The following KCTD8 variants were observed in gnomAD, a reference collection of about 807,000 sequenced individuals.
The protein encoded by KCTD8 is potassium channel tetramerization domain containing 8, also known as BTB/POZ domain-containing protein KCTD8.
In KCTD8, 27 loss-of-function variants were observed where a neutral mutation model predicts 31.5. That is an observed-to-expected ratio of 0.86 (90% CI 0.63 to 1.18). KCTD8 has a LOEUF of 1.18. KCTD8 is among the 50% of genes most tolerant of loss of function. KCTD8 has a pLI of 0.00. For missense variants in KCTD8, 658 were observed against 647.7 expected, an observed-to-expected ratio of 1.02 and a Z score of -0.17; for synonymous variants, 290 against 280.0, an observed-to-expected ratio of 1.04 and a Z score of -0.36.
chr4:44,244,729 A>C (rs1300101275), intron 1 of KCTD8, among the ~76,000 whole-genome samples: 2 of 152,046 alleles, frequency 1.3e-5, no homozygotes, highest in Non-Finnish European at 2.9e-5. Flanking sequence ...AAAAGATGCT[A>C]CACAGAGAGA....
chr4:44,416,121 A>G (rs1210000945), intron 1 of KCTD8, among the ~76,000 whole-genome samples: 3 of 152,200 alleles, frequency 2.0e-5, no homozygotes, highest in African/African-American at 7.2e-5. Context: ...GAGTCAAAGG[A>G]GATTATTTTC....
At chr4:44,216,546 G>T (rs1031573181) in intron 1 of KCTD8, among the ~76,000 whole-genome samples, 1 of 152,114 alleles carries the variant, frequency 6.6e-6, no homozygotes, top group Non-Finnish European at 1.5e-5. Context: ...AGGATATAGG[G>T]TAGTGTCTGG....
At chr4:44,407,383 T>G (rs1720826076) in intron 1 of KCTD8, among the ~76,000 whole-genome samples, 1 of 151,540 alleles carries the variant, frequency 6.6e-6, no homozygotes, top group Non-Finnish European at 1.5e-5. Context: ...TCTTTTCTCT[T>G]TTTTTCTTTT....
At chr4:44,280,656 C>G (rs1716880888) in intron 1 of KCTD8, among the ~76,000 whole-genome samples, 2 of 152,072 alleles carry the variant, frequency 1.3e-5, no homozygotes, top group Non-Finnish European at 2.9e-5. Context: ...CAGCTCTCCT[C>G]CTAGCCAAAC....
intron 1 of KCTD8, among the ~76,000 whole-genome samples, chr4:44,382,271 T>C (rs574548374): frequency 3.3e-5 from 5 of 151,968 alleles, no homozygotes; most frequent in South Asian, 2.1e-4. Context: ...TCTCAATAGA[T>C]AGAGAAAACA....
intron 1 of KCTD8, among the ~76,000 whole-genome samples, chr4:44,398,199 G>C (rs1394892942): frequency 6.6e-6 from 1 of 152,142 alleles, no homozygotes; most frequent in Non-Finnish European, 1.5e-5. Flanking sequence ...CTTTTTATCT[G>C]TTTTCCTTAT....
chr4:44,327,018 C>G (rs181675695), intron 1 of KCTD8, among the ~76,000 whole-genome samples: 2 of 151,998 alleles, frequency 1.3e-5, no homozygotes, highest in Admixed American at 1.3e-4. Flanking sequence ...GAAAATGAAG[C>G]CTGTTTCAGA....
chr4:44,417,363 C>T (rs900910883), intron 1 of KCTD8, among the ~76,000 whole-genome samples: 2 of 152,118 alleles, frequency 1.3e-5, no homozygotes, highest in South Asian at 2.1e-4. Flanking sequence ...CAGGATACTA[C>T]TCGCTAGGAG....
intron 1 of KCTD8, among the ~76,000 whole-genome samples, chr4:44,422,977 C>A (rs1165788251): frequency 6.6e-6 from 1 of 152,052 alleles, no homozygotes; most frequent in Non-Finnish European, 1.5e-5. Context: ...ACTTTACCAA[C>A]CATAAATTTG....
chr4:44,288,215 T>G (rs2109383243), intron 1 of KCTD8, among the ~76,000 whole-genome samples: 1 of 152,206 alleles, frequency 6.6e-6, no homozygotes, highest in African/African-American at 2.4e-5. Context: ...TAGAAGAAGT[T>G]GAGAAATGGC....
intron 1 of KCTD8, among the ~76,000 whole-genome samples, chr4:44,435,035 C>A (rs902297632): frequency 1.3e-5 from 2 of 151,968 alleles, no homozygotes; most frequent in Admixed American, 6.6e-5. Flanking sequence ...ATTCACCTGG[C>A]AAATAGCTTG....
At chr4:44,181,509 A>T (rs1713401981) in intron 1 of KCTD8, among the ~76,000 whole-genome samples, 1 of 152,112 alleles carries the variant, frequency 6.6e-6, no homozygotes, top group Admixed American at 6.5e-5. Context: ...CGGCCCCCCG[A>T]GGCGCCGGGA....
At chr4:44,238,076 T>G (rs1167214804) in intron 1 of KCTD8, among the ~76,000 whole-genome samples, 3 of 152,190 alleles carry the variant, frequency 2.0e-5, no homozygotes, top group Non-Finnish European at 2.9e-5. Context: ...TATTATGGAT[T>G]CATCTTGTAC....
chr4:44,338,799 T>C (rs1577624092), intron 1 of KCTD8, among the ~76,000 whole-genome samples: 1 of 152,164 alleles, frequency 6.6e-6, no homozygotes, highest in African/African-American at 2.4e-5. Context: ...AGTAGATACA[T>C]TTAAAATTGA....
At chr4:44,286,613 A>G (rs1035669800) in intron 1 of KCTD8, among the ~76,000 whole-genome samples, 4 of 152,164 alleles carry the variant, frequency 2.6e-5, no homozygotes, top group Admixed American at 6.6e-5. Flanking sequence ...ATATCGAAGA[A>G]AAGGGCCAAT....
chr4:44,322,179 G>T (rs1223917557), intron 1 of KCTD8, among the ~76,000 whole-genome samples: 3 of 151,954 alleles, frequency 2.0e-5, no homozygotes, highest in Non-Finnish European at 4.4e-5. Flanking sequence ...CTTCCATACT[G>T]TTTTCCATAA....
chr4:44,405,465 G>A (rs1278693382), intron 1 of KCTD8, among the ~76,000 whole-genome samples: 1 of 151,946 alleles, frequency 6.6e-6, no homozygotes, highest in Non-Finnish European at 1.5e-5. Context: ...CACCATGTTG[G>A]CCAGAATGGT....
At position 44,361,773 on chromosome 4, in the gene KCTD8, C is replaced by A. The variant is rs1464056987; in HGVS notation, c.961+85790G>T. ...TAATTATGAATATTGAAAGCTAAAT[C>A]ATACATTAAATCACCAAGTGGTTAT... is the stretch of plus-strand genomic sequence containing the variant. On this transcript the variant is annotated intron_variant, in intron 1 of 1. Transcript: ENST00000360029. 2.0e-5 allele frequency among the ~76,000 whole-genome samples: 3 copies of A among 152,000 alleles called. 1 individual carries two copies. The highest frequency in any genetic ancestry group is 1.5e-5 in the Non-Finnish European group (1 of 67,946).
intron 1 of KCTD8, among the ~76,000 whole-genome samples, chr4:44,386,815 T>C (rs1003146585): frequency 6.6e-6 from 1 of 151,748 alleles, no homozygotes; most frequent in African/African-American, 2.4e-5. Flanking sequence ...AATGCAGCAC[T>C]ATTCATAATA....
Sources: allele counts gnomAD v4.1 joint callset (sites outside exome capture counted in the v4.1 genomes callset), GRCh38; gene constraint gnomAD v4.1.1; transcripts MANE v1.5; gene names NCBI Gene and HGNC (gene_info 2026-07-23, HGNC 2026-07-21).